The following DNMBP variants were observed in gnomAD, a reference collection of about 807,000 sequenced individuals.
DNMBP encodes the protein dynamin-binding protein.
In DNMBP, 87 loss-of-function variants were observed where a neutral mutation model predicts 150.0. That is an observed-to-expected ratio of 0.58 (90% CI 0.49 to 0.69). The LOEUF (loss-of-function observed/expected upper bound fraction) is 0.69, where lower values mean the gene tolerates loss of function less well. Ranked by LOEUF, DNMBP falls within the 30% of genes least tolerant of loss-of-function variation. DNMBP has a pLI of 0.00. For synonymous variants in DNMBP, 711 were observed against 750.4 expected (o/e 0.95, Z 0.86); for missense variants, 1,774 against 1,949.0 (o/e 0.91, Z 1.69).
chr10:99,881,885 G>C (rs1392997902), intron 15 of DNMBP, among the ~76,000 whole-genome samples: 1 of 152,186 alleles, frequency 6.6e-6, no homozygotes, highest in Non-Finnish European at 1.5e-5. Context: ...TGTCTGTCTA[G>C]ATAGGGACCA....
At chr10:99,960,575 G>A (rs2040553782) in intron 3 of DNMBP, among the ~76,000 whole-genome samples, 1 of 152,214 alleles carries the variant, frequency 6.6e-6, no homozygotes. Context: ...GGAGGCCGAG[G>A]TGCGCAGGAT....
chr10:99,945,446 T>G (rs1290328673), intron 4 of DNMBP, among the ~76,000 whole-genome samples: 1 of 152,208 alleles, frequency 6.6e-6, no homozygotes, highest in African/African-American at 2.4e-5. Context: ...AATACATGTG[T>G]TTAGAAGAGT....
chr10:99,988,828 AT>A lies in DNMBP; in HGVS notation c.-10-16695del, dbSNP rs2040855587. The stretch of plus-strand genomic sequence containing the variant: ...AGGCATGAACCACCATACCCGGCTA[AT>A]TTTTGTATTTTTAGTAGAGATGGGG... On this transcript the variant is annotated intron_variant, in intron 1 of 16. Transcript: ENST00000324109. Among the ~76,000 whole-genome samples, 3 of 151,896 alleles carry A rather than the reference AT, an allele frequency of 2.0e-5. No homozygotes were observed. In the East Asian group the frequency reaches 5.8e-4, roughly 29 times the overall value.
At chr10:99,973,284 T>A (rs1443585307) in intron 1 of DNMBP, among the ~76,000 whole-genome samples, 1 of 152,030 alleles carries the variant, frequency 6.6e-6, no homozygotes, top group African/African-American at 2.4e-5. Flanking sequence ...CGCAAAGGAA[T>A]TCAGGAACAA....
chr10:99,888,895 C>G lies in DNMBP; in HGVS notation c.3215G>C (p.Arg1072Thr). The change falls in exon 12 of 17, where the codon AGA becomes ACA. Residue 1072 changes from arginine to threonine, a missense_variant. Transcript: ENST00000324109. ...AVSMWDVCMERGHRDLEQFER... is the reference protein window; with the variant it reads ...AVSMWDVCMETGHRDLEQFER... ...AAACTGCTCCAGGTCCCGGTGTCCT[C>G]TCTCCATGCACACATCCCACATGCT... 6.2e-7 allele frequency: 1 copy of G among 1,614,200 alleles called. No individual in the cohort carries two copies. The highest frequency in any genetic ancestry group is 2.2e-5 in the East Asian group (1 of 44,882).
At chr10:99,898,513 G>A in intron 8 of DNMBP, 1 of 660,062 alleles carries the variant, frequency 1.5e-6, no homozygotes, top group South Asian at 1.8e-5. Flanking sequence ...TGTTCTAGGT[G>A]CTGGGGATTT....
intron 1 of DNMBP, among the ~76,000 whole-genome samples, chr10:100,002,443 G>A (rs2041024974): frequency 6.6e-6 from 1 of 152,126 alleles, no homozygotes; most frequent in African/African-American, 2.4e-5. Context: ...AATATTTCTT[G>A]AGATATAATT....
chr10:100,007,875 T>C (rs74152910), intron 1 of DNMBP, among the ~76,000 whole-genome samples: 8,819 of 152,334 alleles, frequency 0.058, 322 homozygotes, highest in African/African-American at 0.1. Flanking sequence ...ATTCAGATGT[T>C]TTCCAGAGTG....
intron 4 of DNMBP, among the ~76,000 whole-genome samples, chr10:99,922,503 T>G (rs574591760): frequency 0.018 from 482 of 26,604 alleles, 16 homozygotes; most frequent in Admixed American, 0.17. Flanking sequence ...GCTGCTGCTG[T>G]TTTTTTTTTT....
rs1262730070 is a variant in DNMBP at position 99,956,164 on chromosome 10, T to C, written c.1310A>G (p.His437Arg). The change falls in exon 4 of 17, where the codon CAC becomes CGC. Residue 437 changes from histidine (H) to arginine (R), a missense_variant. His to Arg is a conservative substitution (Grantham distance 29). Around this residue, in one of 2 missense-constraint regions of DNMBP, gnomAD observed 1,430 missense variants for 1,492.5 expected, o/e 0.96. Coordinates refer to ENST00000324109, the MANE Select transcript of DNMBP (RefSeq NM_015221.4). Reference sequence around the variant, plus strand: ...GTCGGGGTACTGTTCTGAGTGCGGGTGGCTCCCTCCCACTGTAGAATAATA... The same window carrying C: ...GTCGGGGTACTGTTCTGAGTGCGGGCGGCTCCCTCCCACTGTAGAATAATA... ...SQYYSTVGGSHPHSEQYPDLL... is the reference protein window; with the variant it reads ...SQYYSTVGGSRPHSEQYPDLL... 2 of 1,614,112 alleles carry C rather than the reference T, an allele frequency of 1.2e-6. No homozygotes were observed. The highest frequency in any genetic ancestry group is 1.7e-5 in the Admixed American group (1 of 60,006).
At chr10:99,990,832 C>T (rs199858325) in intron 1 of DNMBP, among the ~76,000 whole-genome samples, 1 of 82,282 alleles carries the variant, frequency 1.2e-5, no homozygotes, top group Non-Finnish European at 2.2e-5. Context: ...TACACATATA[C>T]ATATACACAC....
chr10:99,904,169 C>T (rs9630094), intron 6 of DNMBP, among the ~76,000 whole-genome samples: 2 of 151,950 alleles, frequency 1.3e-5, no homozygotes, highest in African/African-American at 4.8e-5. Flanking sequence ...GTGGGAGGAT[C>T]GCTTGAGCCC....
chr10:99,954,744 C>CAA lies in DNMBP; in HGVS notation c.2260+468_2260+469dup, dbSNP rs751589220. Among the ~76,000 whole-genome samples the CAA allele has an allele frequency of 6.6e-3, 318 of 48,468 alleles. 3 individuals are homozygous for CAA. The highest frequency in any genetic ancestry group is 0.029 in the East Asian group (42 of 1,462). 31.8% of individuals were successfully genotyped at this position (48,468 alleles called of 152,430 possible). ...GGGCAACAAGAGCGAAACTCTGTCT[C>CAA]AAAAAAAAAAAAAAAAAAAAAAGAG... On this transcript the variant is annotated intron_variant, in intron 4 of 16. Coordinates refer to ENST00000324109, the MANE Select transcript of DNMBP (RefSeq NM_015221.4).
At chr10:99,991,731 C>T (rs10159533) in intron 1 of DNMBP, among the ~76,000 whole-genome samples, 9,878 of 151,348 alleles carry the variant, frequency 0.065, 442 homozygotes, top group African/African-American at 0.13. Context: ...ATGGTGAAAC[C>T]CCATCTCTAC....
intron 1 of DNMBP, among the ~76,000 whole-genome samples, chr10:99,977,924 C>T (rs1239687038): frequency 6.6e-6 from 1 of 152,186 alleles, no homozygotes; most frequent in East Asian, 1.9e-4. Flanking sequence ...ATGGCACTGG[C>T]AACAGTGCCA....
At position 99,956,848 on chromosome 10, in the gene DNMBP, T is replaced by A. The variant is rs1400729297; in HGVS notation, c.626A>T (p.Asp209Val). Reference protein sequence around the residue: ...VELLGPLRTVDESVSSGNQDD... With the variant: ...VELLGPLRTVVESVSSGNQDD... Reference sequence around the variant, plus strand: ...TTGATTTCCAGAACTTACTGACTCATCCACAGTCCTCAGGGGCCCCAACAG... The same window carrying A: ...TTGATTTCCAGAACTTACTGACTCAACCACAGTCCTCAGGGGCCCCAACAG... Residue 209 changes from aspartate (D) to valine (V), a missense_variant, in exon 4 of 17, where the codon GAT (aspartate) becomes GTT (valine). Around this residue, in one of 2 missense-constraint regions of DNMBP, gnomAD observed 344 missense variants for 456.6 expected, o/e 0.75. Transcript: ENST00000324109. The A allele has an allele frequency of 6.2e-7, 1 of 1,614,130 alleles. No individual in the cohort carries two copies. The highest frequency in any genetic ancestry group is 8.5e-7 in the Non-Finnish European group (1 of 1,180,028).
intron 15 of DNMBP, among the ~76,000 whole-genome samples, chr10:99,883,111 TATAA>T (rs1331340864): frequency 1.3e-4 from 20 of 152,020 alleles, no homozygotes; most frequent in African/African-American, 2.7e-4. Flanking sequence ...AAGTTACAAT[TATAA>T]ATAGTCTCAC....
At chr10:99,914,058 CT>C in intron 4 of DNMBP, 1 of 1,466,212 alleles carries the variant, frequency 6.8e-7, no homozygotes, top group Non-Finnish European at 9.0e-7. Context: ...CCCCAAACTC[CT>C]TTGAATAGGG....
intron 11 of DNMBP, among the ~76,000 whole-genome samples, chr10:99,893,889 C>G (rs76201720): frequency 3.6e-4 from 55 of 152,204 alleles, no homozygotes; most frequent in African/African-American, 1.3e-3. Flanking sequence ...CAGAAGGTGA[C>G]AAGGTAGGAG....
Sources: allele counts gnomAD v4.1 joint callset (sites outside exome capture counted in the v4.1 genomes callset), GRCh38; gene constraint gnomAD v4.1.1; regional missense constraint gnomAD v4.1.1; transcripts MANE v1.5; gene names NCBI Gene and HGNC (gene_info 2026-07-23, HGNC 2026-07-21).